Variants in LRRK1 observed in about 807,000 individuals in gnomAD.
LRRK1 encodes leucine-rich repeat serine/threonine-protein kinase 1.
In LRRK1, 113 loss-of-function variants were observed where a neutral mutation model predicts 209.1. The observed-to-expected ratio is 0.54, with a 90% CI of 0.46 to 0.63. The LOEUF (loss-of-function observed/expected upper bound fraction) is 0.63, where lower values mean the gene tolerates loss of function less well. Among genes scored for constraint, LRRK1 ranks in the 30% least tolerant of loss-of-function variants. The pLI is 0.00. For missense variants in LRRK1, 2,284 were observed against 2,632.2 expected (o/e 0.87, Z 2.89); for synonymous variants, 1,144 against 1,099.7 (o/e 1.04, Z -0.80).
At chr15:100,983,434 C>G in intron 3 of LRRK1, 94 bp from the exon 4 acceptor site, 2 of 1,228,278 alleles carry the variant, frequency 1.6e-6, no homozygotes, top group Non-Finnish European at 2.3e-6. Flanking sequence ...CAACTCCAGT[C>G]CTGCTCCGGG....
Position 100,973,934 on chromosome 15 carries a change from G to C in LRRK1, c.228G>C (p.Glu76Asp), listed in dbSNP as rs945844784. ...GCGGCGCCCGGGACCTGCTGGAGGA[G>C]GCCTGCGACCAGTGCGCGTCCCAGC... ...DRGGARDLLE[E>D]ACDQCASQLE... Residue 76 changes from glutamate (E) to aspartate (D), a missense_variant, in exon 3 of 34, where the codon GAG (glutamate) becomes GAC (aspartate). Around this residue, in one of 6 missense-constraint regions of LRRK1, gnomAD observed 174 missense variants for 133.5 expected, o/e 1.30. Transcript: ENST00000388948. 7.9e-7 allele frequency: 1 copy of C among 1,261,522 alleles called. No individual in the cohort carries two copies. The highest frequency in any genetic ancestry group is 3.1e-5 in the East Asian group (1 of 31,752). 78.1% of individuals were successfully genotyped at this position (1,261,522 alleles called of 1,614,324 possible).
intron 2 of LRRK1, among the ~76,000 whole-genome samples, chr15:100,972,335 T>TGAGA (rs747771078): frequency 1.6e-4 from 17 of 106,130 alleles, no homozygotes; most frequent in Admixed American, 4.6e-4. Flanking sequence ...TATATATATA[T>TGAGA]GAGAGAGAGA....
At chr15:100,951,589 A>G (rs577332570) in intron 2 of LRRK1, among the ~76,000 whole-genome samples, 1 of 152,334 alleles carries the variant, frequency 6.6e-6, no homozygotes, top group East Asian at 1.9e-4. Flanking sequence ...CTATTCATAC[A>G]GTGGAATATT....
At position 101,068,736 on chromosome 15, in the gene LRRK1, CAG is replaced by C; in HGVS notation, c.5939_5940del (p.Glu1980ValfsTer41). 6.2e-7 allele frequency: 1 copy of C among 1,613,836 alleles called. No individual in the cohort carries two copies. Among genetic ancestry groups the C allele is most frequent in the Non-Finnish European group, 8.5e-7 (1 of 1,179,812 alleles). ...GTGTGCACCTTTGAAAATGAAAACACAGAGTGGTGCCTGGCCGTCTGGAGGGG... is the reference window on the plus strand; with the variant it reads ...GTGTGCACCTTTGAAAATGAAAACACAGTGGTGCCTGGCCGTCTGGAGGGG... On this transcript the variant is annotated frameshift_variant, in exon 34 of 34. Transcript: ENST00000388948. LOFTEE classifies it high-confidence loss of function.
chr15:101,024,883 C>A lies in LRRK1; in HGVS notation c.2148C>A (p.Asp716Glu), dbSNP rs766053466. 5 of 1,614,198 alleles carry A rather than the reference C, an allele frequency of 3.1e-6. No homozygotes were observed. The East Asian group carries it at 1.1e-4, about 36-fold the overall frequency. ...CTGTCAACCAGTGCTTCTTCACGGA[C>A]AAGGCCCTGTACGTGGTGGTCTGGA... Reference protein sequence around the residue: ...MATVNQCFFTDKALYVVVWNL... With the variant: ...MATVNQCFFTEKALYVVVWNL... Residue 716 changes from aspartate (D) to glutamate (E), a missense_variant, in exon 16 of 34, where the codon GAC becomes GAA. This residue lies in a region of LRRK1 where 780 missense variants were observed against 985.2 expected (regional missense o/e 0.79). Transcript: ENST00000388948. This position sits in a 1 kb window ranked among gnomAD's most constrained non-coding sequence, Gnocchi z 4.6.
chr15:100,972,786 C>T (rs1174335683), intron 2 of LRRK1, among the ~76,000 whole-genome samples: 1 of 152,200 alleles, frequency 6.6e-6, no homozygotes, highest in Non-Finnish European at 1.5e-5. Context: ...TATCACTCCA[C>T]ACAGTCAGAA....
chr15:101,021,106 C>G lies in LRRK1; in HGVS notation c.1663C>G (p.Leu555Val), dbSNP rs769390447. Residue 555 changes from leucine to valine, a missense_variant, in exon 13 of 34, where the codon CTG becomes GTG. By Grantham distance (32) the Leu-to-Val change is conservative (BLOSUM62 1). Around this residue, in one of 6 missense-constraint regions of LRRK1, gnomAD observed 494 missense variants for 522.1 expected, o/e 0.95. Coordinates refer to ENST00000388948, the MANE Select transcript of LRRK1 (RefSeq NM_024652.6). The part of the protein sequence containing the change: ...FLSESLEVLC[L>V]NDNHLDTVPP... Reference sequence around the variant, plus strand: ...AAGTGAGTCTTTGGAAGTCCTTTGCCTGAACGACAACCACCTCGACACAGT... The same window carrying G: ...AAGTGAGTCTTTGGAAGTCCTTTGCGTGAACGACAACCACCTCGACACAGT... The G allele has an allele frequency of 1.9e-6, 3 of 1,614,052 alleles. No homozygotes were observed. The highest frequency in any genetic ancestry group is 4.5e-5 in the East Asian group (2 of 44,904).
intron 4 of LRRK1, among the ~76,000 whole-genome samples, chr15:100,987,061 G>A (rs763775334): frequency 8.5e-5 from 13 of 152,204 alleles, no homozygotes; most frequent in Admixed American, 2.6e-4. Context: ...TCTTGTGTAA[G>A]TGGATTAGGG....
intron 19 of LRRK1, among the ~76,000 whole-genome samples, chr15:101,028,511 T>C (rs1225142988): frequency 1.3e-5 from 2 of 152,226 alleles, no homozygotes; most frequent in Admixed American, 1.3e-4. Context: ...GGCACTGACA[T>C]AGACCACTAA....
chr15:100,947,784 T>A (rs2042570002), intron 2 of LRRK1, among the ~76,000 whole-genome samples: 1 of 152,174 alleles, frequency 6.6e-6, no homozygotes, highest in Admixed American at 6.5e-5. Context: ...CATGTGCCTA[T>A]GCAGAAGAAC....
At chr15:100,976,564 A>G (rs565897148) in intron 3 of LRRK1, among the ~76,000 whole-genome samples, 2 of 152,262 alleles carry the variant, frequency 1.3e-5, no homozygotes, top group Non-Finnish European at 2.9e-5. Context: ...ACCTTTATTC[A>G]ATGCTACTAG....
rs529158728 is a variant in LRRK1, at chr15:101,070,308, C to CTTTTT, written c.*1482_*1486dup. ...CTTGGAAAAAGCGAGTCCCCCCACT[C>CTTTTT]TTTTTTTTTTTTTTTTTTTTTTTTT... On this transcript the variant is annotated 3_prime_UTR_variant, in exon 34 of 34. Transcript: ENST00000388948. 1.9e-4 allele frequency: 18 copies of CTTTTT among 94,828 alleles called. No homozygotes were observed. Among genetic ancestry groups the CTTTTT allele is most frequent in the African/African-American group, 4.5e-4 (10 of 22,078 alleles). 5.9% of individuals were successfully genotyped at this position (94,828 alleles called of 1,614,324 possible). A position where few individuals can be genotyped will look rare whatever the true frequency, so the allele number is the denominator to read the frequency against.
intron 20 of LRRK1, among the ~76,000 whole-genome samples, chr15:101,044,822 C>T (rs1383827859): frequency 6.6e-6 from 1 of 152,262 alleles, no homozygotes; most frequent in South Asian, 2.1e-4. Flanking sequence ...AAACAGCAGG[C>T]ACGGCCCAGG....
chr15:100,981,676 G>A (rs1468377078), intron 3 of LRRK1, among the ~76,000 whole-genome samples: 1 of 152,160 alleles, frequency 6.6e-6, no homozygotes, highest in East Asian at 1.9e-4. Context: ...CCCTAACCAT[G>A]GGCAAGCTTT....
chr15:101,054,969 C>T lies in LRRK1; in HGVS notation c.4078C>T (p.His1360Tyr). The change falls in exon 27 of 34, where the codon CAC becomes TAC. Residue 1360 changes from histidine (H) to tyrosine (Y), a missense_variant. By Grantham distance (83) the His-to-Tyr change is moderately conservative. Around this residue, in one of 6 missense-constraint regions of LRRK1, gnomAD observed 780 missense variants for 985.2 expected, o/e 0.79. Transcript: ENST00000388948. The stretch of plus-strand genomic sequence containing the variant: ...AGATTCTTCCTTTATACCCCTGGGA[C>T]ACATGCTCACCCAAAAAATAGCCTA... ...ARDSSFIPLGHMLTQKIAYQI... is the reference protein window; with the variant it reads ...ARDSSFIPLGYMLTQKIAYQI... The T allele has an allele frequency of 6.2e-7, 1 of 1,612,764 alleles. No homozygotes were observed. The highest frequency in any genetic ancestry group is 8.5e-7 in the Non-Finnish European group (1 of 1,179,452).
Position 101,022,353 on chromosome 15 carries a change from G to C in LRRK1, c.1853-30G>C. 6.2e-7 allele frequency: 1 copy of C among 1,604,908 alleles called. No homozygotes were observed. ...AGAGATGTGAGCATGTGCCCACGCA[G>C]CTACCCTTCCCCTTAATGATTTTGC... On this transcript the variant is annotated intron_variant, in intron 14 of 33. Coordinates refer to ENST00000388948, the MANE Select transcript of LRRK1 (RefSeq NM_024652.6). This position sits in a 1 kb window ranked among gnomAD's most constrained non-coding sequence, Gnocchi z 4.0.
chr15:101,011,505 A>C (rs975141048), intron 9 of LRRK1, among the ~76,000 whole-genome samples: 3 of 150,424 alleles, frequency 2.0e-5, no homozygotes, highest in Non-Finnish European at 4.4e-5. Flanking sequence ...ATCAATCTGC[A>C]CTCGTAGCAC....
At chr15:100,964,677 G>A (rs1161220843) in intron 2 of LRRK1, among the ~76,000 whole-genome samples, 2 of 152,186 alleles carry the variant, frequency 1.3e-5, no homozygotes, top group East Asian at 1.9e-4. Context: ...CAAATCAAAC[G>A]GCAGTGTCTT....
In LRRK1 at chr15:101,027,544, C is replaced by G. The variant is rs1002828120; in HGVS notation, c.2527-94C>G. The G allele has an allele frequency of 1.3e-6, 2 of 1,513,848 alleles. No individual in the cohort carries two copies. Among genetic ancestry groups the G allele is most frequent in the African/African-American group, 2.8e-5 (2 of 72,488 alleles). The allele number at this position is 1,513,848 out of a possible 1,614,324, so 93.8% of individuals were successfully genotyped here. A position where few individuals can be genotyped will look rare whatever the true frequency, so the allele number is the denominator to read the frequency against. ...GAAGATAGTGGGTGGAAACGTCCCA[C>G]CCCCTCAGGCCACAGGGGCCGGGCA... is the stretch of plus-strand genomic sequence containing the variant. On this transcript the variant is annotated intron_variant, in intron 18 of 33. Coordinates refer to ENST00000388948, the MANE Select transcript of LRRK1 (RefSeq NM_024652.6). The surrounding 1 kb of genome is among the most constrained non-coding windows in gnomAD (Gnocchi z 5.1).
Sources: allele counts gnomAD v4.1 joint callset (sites outside exome capture counted in the v4.1 genomes callset), GRCh38; gene constraint gnomAD v4.1.1; regional missense constraint gnomAD v4.1.1; non-coding constraint Gnocchi (gnomAD v3.1); transcripts MANE v1.5; gene names NCBI Gene and HGNC (gene_info 2026-07-23, HGNC 2026-07-21).